The following TTC17 variants were observed in gnomAD, a reference collection of about 807,000 sequenced individuals.
TTC17 encodes the protein tetratricopeptide repeat domain 17.
In TTC17, 58 loss-of-function variants were observed where a neutral mutation model predicts 143.8. The observed-to-expected ratio is 0.40, with a 90% CI of 0.33 to 0.50. The LOEUF (loss-of-function observed/expected upper bound fraction) is 0.50. TTC17 is among the 20% of genes least tolerant of loss of function. The pLI is 0.49. For missense variants in TTC17, 1,273 were observed against 1,392.5 expected, an observed-to-expected ratio of 0.91 and a Z score of 1.37; for synonymous variants, 501 against 497.8, an observed-to-expected ratio of 1.01 and a Z score of -0.09.
chr11:43,433,757 C>CA (rs1565163644), intron 16 of TTC17, among the ~76,000 whole-genome samples: 1 of 152,182 alleles, frequency 6.6e-6, no homozygotes, highest in Non-Finnish European at 1.5e-5. Context: ...TCAGAAAACA[C>CA]AGAGTTTCAC....
chr11:43,488,617 T>C (rs1948419436), intron 21 of TTC17, among the ~76,000 whole-genome samples: 1 of 152,236 alleles, frequency 6.6e-6, no homozygotes. Context: ...TACAGCAGAT[T>C]AAATTTCAAA....
chr11:43,413,515 A>T (rs1946705170), intron 15 of TTC17, among the ~76,000 whole-genome samples: 1 of 152,132 alleles, frequency 6.6e-6, no homozygotes, highest in Non-Finnish European at 1.5e-5. Flanking sequence ...TTATCAAAAG[A>T]TACTATTCAG....
intron 2 of TTC17, among the ~76,000 whole-genome samples, chr11:43,383,233 G>A (rs1857041659): frequency 6.6e-6 from 1 of 151,566 alleles, no homozygotes; most frequent in South Asian, 2.1e-4. Context: ...AGGGAGTGGG[G>A]GAGAGAGAGA....
At chr11:43,368,619 G>C (rs1346983497) in intron 1 of TTC17, among the ~76,000 whole-genome samples, 1 of 152,102 alleles carries the variant, frequency 6.6e-6, no homozygotes, top group African/African-American at 2.4e-5. Flanking sequence ...CTTCCTACCT[G>C]GTCTCCTTGC....
chr11:43,387,622 G>A (rs1217422414), intron 2 of TTC17, among the ~76,000 whole-genome samples: 1 of 152,186 alleles, frequency 6.6e-6, no homozygotes, highest in Admixed American at 6.5e-5. Context: ...ACAGGACCTA[G>A]GCCGACAGAG....
intron 1 of TTC17, chr11:43,359,419 G>C (rs1448120228): frequency 2.9e-6 from 1 of 347,922 alleles, no homozygotes; most frequent in African/African-American, 2.2e-5. Flanking sequence ...TTAGCTCGGG[G>C]TTTAGAAATC....
chr11:43,371,538 A>G (rs1347439337), intron 1 of TTC17, among the ~76,000 whole-genome samples: 1 of 152,044 alleles, frequency 6.6e-6, no homozygotes, highest in Non-Finnish European at 1.5e-5. Context: ...CTCTCCAGGA[A>G]CTTCCACATG....
chr11:43,483,058 C>A (rs1042647740), intron 21 of TTC17, among the ~76,000 whole-genome samples: 22 of 152,022 alleles, frequency 1.4e-4, no homozygotes. Flanking sequence ...CATATAATTG[C>A]AACTTTATGC....
At chr11:43,398,582 G>A (rs752832679) in intron 8 of TTC17, among the ~76,000 whole-genome samples, 4 of 152,174 alleles carry the variant, frequency 2.6e-5, no homozygotes, top group Non-Finnish European at 5.9e-5. Flanking sequence ...AAATGGCATT[G>A]AGAGACATTA....
chr11:43,470,143 C>G (rs1948065175), intron 21 of TTC17, among the ~76,000 whole-genome samples: 2 of 152,074 alleles, frequency 1.3e-5, no homozygotes, highest in South Asian at 4.1e-4. Context: ...GATAATAAAA[C>G]AATAAAAGGC....
At chr11:43,454,305 A>G (rs890179937) in intron 21 of TTC17, among the ~76,000 whole-genome samples, 3 of 152,128 alleles carry the variant, frequency 2.0e-5, no homozygotes, top group African/African-American at 7.2e-5. Flanking sequence ...CAAAAAAAGT[A>G]TGAAGGAAGG....
chr11:43,420,746 GT>G (rs1946883090), intron 16 of TTC17, among the ~76,000 whole-genome samples: 1 of 152,054 alleles, frequency 6.6e-6, no homozygotes, highest in Non-Finnish European at 1.5e-5. Flanking sequence ...ATAAATATTT[GT>G]TGGTTTTTAA....
intron 21 of TTC17, among the ~76,000 whole-genome samples, chr11:43,488,502 T>A (rs1041429864): frequency 6.6e-6 from 1 of 150,890 alleles, no homozygotes; most frequent in Non-Finnish European, 1.5e-5. Context: ...TTATATATAG[T>A]AAAGGTAGTA....
At chr11:43,474,541 C>T (rs1349618235) in intron 21 of TTC17, among the ~76,000 whole-genome samples, 3 of 152,084 alleles carry the variant, frequency 2.0e-5, no homozygotes, top group Admixed American at 6.6e-5. Flanking sequence ...AAAGCAGTTT[C>T]TACTTAAAAT....
intron 16 of TTC17, among the ~76,000 whole-genome samples, chr11:43,438,475 T>A (rs1381819776): frequency 6.6e-6 from 1 of 152,122 alleles, no homozygotes; most frequent in Non-Finnish European, 1.5e-5. Context: ...TGGAATCAAG[T>A]TTGTCTAATT....
intron 13 of TTC17, 67 bp from the exon 14 acceptor site, chr11:43,407,071 T>C: frequency 8.9e-7 from 1 of 1,120,846 alleles, no homozygotes; most frequent in Non-Finnish European, 1.3e-6. Context: ...CTGCCATCTA[T>C]AGAAATTCTT....
chr11:43,379,173 T>C (rs1017857614), intron 1 of TTC17, 60 bp from the exon 2 acceptor site: 2 of 1,463,192 alleles, frequency 1.4e-6, no homozygotes, highest in African/African-American at 2.8e-5. Flanking sequence ...TTAATGACTT[T>C]GTTAATCCAA....
chr11:43,416,467 A>T (rs1345802530), intron 16 of TTC17, among the ~76,000 whole-genome samples: 9 of 152,122 alleles, frequency 5.9e-5, no homozygotes, highest in Admixed American at 5.9e-4. Flanking sequence ...CTTGAAATAT[A>T]TTCTTAGTAC....
intron 23 of TTC17, among the ~76,000 whole-genome samples, chr11:43,493,374 C>T (rs980478170): frequency 1.1e-4 from 17 of 152,258 alleles, no homozygotes; most frequent in African/African-American, 3.6e-4. Flanking sequence ...TTGTCAGGCA[C>T]GGTTCTGGAG....
Sources: gnomAD v4.1 joint callset for allele counts (sites outside exome capture counted in the v4.1 genomes callset) on GRCh38, gnomAD v4.1.1 for gene constraint, MANE v1.5 for transcripts, NCBI Gene and HGNC (gene_info 2026-07-23, HGNC 2026-07-21) for gene names.